SCAP: variants seen among roughly 807,000 people sequenced by gnomAD.
SCAP encodes SREBF chaperone.
A neutral mutation model predicts 123.6 loss-of-function variants in SCAP; 65 were observed. The ratio of observed to expected loss-of-function variants is 0.53; its 90% CI spans 0.43 to 0.65. The LOEUF is 0.65. SCAP is among the 30% of genes least tolerant of loss of function. The pLI, the probability that SCAP is intolerant of heterozygous loss-of-function variation, is 0.00. For missense variants in SCAP, 1,398 were observed against 1,712.5 expected, an observed-to-expected ratio of 0.82 and a Z score of 3.24; for synonymous variants, 740 against 726.3, an observed-to-expected ratio of 1.02 and a Z score of -0.30.
intron 1 of SCAP, among the ~76,000 whole-genome samples, chr3:47,473,088 A>AAAAAAAAAAAAAAAAAAAAAC (rs1162589783): frequency 6.9e-6 from 1 of 145,472 alleles, no homozygotes; most frequent in African/African-American, 2.5e-5. Context: ...CTCAAAAAAA[A>AAAAAAAAAAAAAAAAAAAAAC]AAAAAAAAAA....
chr3:47,472,431 A>G lies in SCAP; in HGVS notation c.-99+3368T>C, dbSNP rs540481232. Among the ~76,000 whole-genome samples, 36 of 142,626 alleles carry G rather than the reference A, an allele frequency of 2.5e-4. No individual in the cohort carries two copies. In the East Asian group the frequency reaches 7.3e-3, roughly 29 times the overall value. 93.6% of individuals were successfully genotyped at this position (142,626 alleles called of 152,430 possible). A position where few individuals can be genotyped will look rare whatever the true frequency, so the allele number is the denominator to read the frequency against. On this transcript the variant is annotated intron_variant, in intron 1 of 22. Coordinates refer to ENST00000265565, the MANE Select transcript of SCAP (RefSeq NM_012235.4). Reference sequence around the variant, plus strand: ...AGTCCGGCCTGGGCGACAGAGCGAGACTCCGTCTCAAAAAAAAAAAATAAA... The same window carrying G: ...AGTCCGGCCTGGGCGACAGAGCGAGGCTCCGTCTCAAAAAAAAAAAATAAA...
At chr3:47,446,821 G>A (rs1707063596) in intron 1 of SCAP, among the ~76,000 whole-genome samples, 2 of 151,956 alleles carry the variant, frequency 1.3e-5, no homozygotes, top group Admixed American at 1.3e-4. Context: ...GCACATGCCT[G>A]TAGTCCTAGC....
intron 9 of SCAP, chr3:47,422,808 A>T: frequency 3.0e-6 from 1 of 328,024 alleles, no homozygotes; most frequent in African/African-American, 2.1e-5. Flanking sequence ...GAAGAAGCAG[A>T]GTGTGGAGAT....
chr3:47,463,311 T>C (rs1158658725), intron 1 of SCAP, among the ~76,000 whole-genome samples: 1 of 152,174 alleles, frequency 6.6e-6, no homozygotes, highest in Non-Finnish European at 1.5e-5. Flanking sequence ...TCACTGACCA[T>C]GGGGACAGCA....
intron 1 of SCAP, among the ~76,000 whole-genome samples, chr3:47,443,902 C>T (rs191549295): frequency 1.2e-4 from 18 of 152,308 alleles, no homozygotes; most frequent in Admixed American, 1.1e-3. Flanking sequence ...ACTTTGACTT[C>T]TAAACACAAA....
Position 47,414,254 on chromosome 3 carries a change from T to C in SCAP, c.3520A>G (p.Ile1174Val), listed in dbSNP as rs780762321. 3.1e-6 allele frequency: 5 copies of C among 1,613,652 alleles called. No homozygotes were observed. The highest frequency in any genetic ancestry group is 1.3e-5 in the African/African-American group (1 of 75,052). The change falls in exon 22 of 23, where the codon ATC (isoleucine) becomes GTC (valine). Residue 1174 changes from isoleucine to valine, a missense_variant. Coordinates refer to ENST00000265565, the MANE Select transcript of SCAP (RefSeq NM_012235.4). ...TSLTCTTSCV[I>V]SSGLDDLISI... ...ATGAGGTCATCCAGGCCACTGCTGATGACACAGGAGGTGGTACAGGTAAGG... is the reference window on the plus strand; with the variant it reads ...ATGAGGTCATCCAGGCCACTGCTGACGACACAGGAGGTGGTACAGGTAAGG...
At chr3:47,434,077 A>G (rs1706472097) in intron 3 of SCAP, among the ~76,000 whole-genome samples, 1 of 152,178 alleles carries the variant, frequency 6.6e-6, no homozygotes, top group African/African-American at 2.4e-5. Context: ...CCCCACTGAC[A>G]CCATGTATAG....
Position 47,415,134 on chromosome 3 carries a change from C to T in SCAP, c.3103G>A (p.Glu1035Lys), listed in dbSNP as rs745356806. The T allele has an allele frequency of 2.5e-6, 4 of 1,612,316 alleles. No homozygotes were observed. The South Asian group carries it at 3.3e-5, about 13-fold the overall frequency. ...LNGSLDFFSL[E>K]THTALSPLQF... is the part of the protein sequence containing the mutation. ...AGGGGGCTGAGGGCAGTGTGGGTCT[C>T]CAAGGAGAAGAAATCAAGGGAACCG... is the stretch of plus-strand genomic sequence containing the variant. The change falls in exon 19 of 23, where the codon GAG (glutamate) becomes AAG (lysine). Residue 1035 changes from glutamate (E) to lysine (K), a missense_variant. Around this residue, in one of 7 missense-constraint regions of SCAP, gnomAD observed 828 missense variants for 882.5 expected, o/e 0.94. Coordinates refer to ENST00000265565, the MANE Select transcript of SCAP (RefSeq NM_012235.4).
chr3:47,436,595 C>T (rs1009912638), intron 2 of SCAP, among the ~76,000 whole-genome samples: 2 of 151,778 alleles, frequency 1.3e-5, no homozygotes, highest in Non-Finnish European at 2.9e-5. Context: ...TGCCACTGTA[C>T]TCCAGCCTAG....
intron 3 of SCAP, among the ~76,000 whole-genome samples, chr3:47,432,103 G>C (rs1272559499): frequency 6.6e-6 from 1 of 152,000 alleles, no homozygotes; most frequent in Non-Finnish European, 1.5e-5. Flanking sequence ...TCAATCACAA[G>C]ATCAGGAGAT....
At position 47,417,736 on chromosome 3, in the gene SCAP, C is replaced by T; in HGVS notation, c.2538G>A (p.Glu846=). The T allele has an allele frequency of 6.2e-7, 1 of 1,607,866 alleles. No homozygotes were observed. The highest frequency in any genetic ancestry group is 8.5e-7 in the Non-Finnish European group (1 of 1,178,690). Reference sequence around the variant, plus strand: ...TCAGGGGAGGGCTGTCCCCAGGCTCCTCTGGACCAGCCTTCCCACCATCTG... The same window carrying T: ...TCAGGGGAGGGCTGTCCCCAGGCTCTTCTGGACCAGCCTTCCCACCATCTG... ...RLSDGGKAGP[E]EPGDSPPLRH... The change falls in exon 17 of 23, where the codon GAG becomes GAA. Residue 846 remains glutamate, a synonymous_variant. Transcript: ENST00000265565.
intron 1 of SCAP, among the ~76,000 whole-genome samples, chr3:47,467,965 C>T (rs975147490): frequency 1.8e-4 from 27 of 150,334 alleles, no homozygotes; most frequent in African/African-American, 2.9e-4. Flanking sequence ...TGAGAACATG[C>T]GGTGTTTGGT....
intron 1 of SCAP, among the ~76,000 whole-genome samples, chr3:47,456,921 T>A (rs963587043): frequency 1.3e-5 from 2 of 152,064 alleles, no homozygotes; most frequent in African/African-American, 4.8e-5. Flanking sequence ...GCACAATGGC[T>A]CACACCTACA....
intron 1 of SCAP, among the ~76,000 whole-genome samples, chr3:47,474,445 T>C (rs561288444): frequency 6.6e-6 from 1 of 152,254 alleles, no homozygotes; most frequent in African/African-American, 2.4e-5. Flanking sequence ...TCAGTGGGAA[T>C]ACTGCAAATG....
intron 4 of SCAP, 71 bp downstream of exon 4, chr3:47,428,442 C>T (rs1348045278): frequency 2.0e-6 from 3 of 1,506,636 alleles, no homozygotes; most frequent in African/African-American, 1.4e-5. Flanking sequence ...ACTGCAGTTA[C>T]ACTGAGGACT....
chr3:47,425,406 G>A (rs1706080788), intron 8 of SCAP, 79 bp downstream of exon 8: 3 of 1,491,584 alleles, frequency 2.0e-6, no homozygotes, highest in African/African-American at 1.4e-5. Context: ...AAAGTCCAGG[G>A]AAGGCCAAGA....
intron 1 of SCAP, among the ~76,000 whole-genome samples, chr3:47,454,433 A>G (rs1707339474): frequency 6.6e-6 from 1 of 151,896 alleles, no homozygotes; most frequent in Non-Finnish European, 1.5e-5. Context: ...ATACATAAAT[A>G]CATACATATT....
At chr3:47,424,143 G>T in intron 8 of SCAP, 98 bp from the exon 9 acceptor site, 1 of 853,720 alleles carries the variant, frequency 1.2e-6, no homozygotes, top group Non-Finnish European at 1.9e-6. Context: ...CTGTCATGGG[G>T]GCTGCTGAGT....
rs1706867840 is a variant in SCAP, at chr3:47,443,035, A to C, written c.-42T>G. ...CTTGCTGCCATCCCGGAAAGTGACC[A>C]TGGATCACCCTGGCACACACTTGAC... On this transcript the variant is annotated 5_prime_UTR_variant, in exon 2 of 23. The change abolishes an upstream ATG in the 5' untranslated region. Transcript: ENST00000265565. 20 of 1,612,080 alleles carry C rather than the reference A, an allele frequency of 1.2e-5. No individual in the cohort carries two copies. Among genetic ancestry groups the C allele is most frequent in the Non-Finnish European group, 1.7e-5 (20 of 1,179,746 alleles).
Sources: allele counts gnomAD v4.1 joint callset (sites outside exome capture counted in the v4.1 genomes callset), GRCh38; gene constraint gnomAD v4.1.1; regional missense constraint gnomAD v4.1.1; transcripts MANE v1.5; gene names NCBI Gene and HGNC (gene_info 2026-07-23, HGNC 2026-07-21).